Variants in GRIK5 observed in about 807,000 individuals in gnomAD.
GRIK5 encodes the protein glutamate ionotropic receptor kainate type subunit 5.
GRIK5 carries 43 observed loss-of-function variants against 97.4 expected under a neutral mutation model. The observed-to-expected ratio is 0.44, with a 90% CI of 0.35 to 0.57. The LOEUF (loss-of-function observed/expected upper bound fraction) is 0.57, where lower values mean the gene tolerates loss of function less well. Ranked by LOEUF, GRIK5 falls within the 20% of genes least tolerant of loss-of-function variation. The pLI, the probability that GRIK5 is intolerant of heterozygous loss-of-function variation, is 0.01. For missense variants in GRIK5, 1,015 were observed against 1,382.0 expected, an observed-to-expected ratio of 0.73 and a Z score of 4.21; for synonymous variants, 580 against 583.5, an observed-to-expected ratio of 0.99 and a Z score of 0.09.
intron 17 of GRIK5, among the ~76,000 whole-genome samples, chr19:42,004,145 C>T (rs2075458725): frequency 6.6e-6 from 1 of 152,186 alleles, no homozygotes. Context: ...AAAATGGCAC[C>T]AAGCGCCCCA....
rs1224040155 is a variant in GRIK5 at position 42,062,043 on chromosome 19, C to T, written c.508+445G>A. The stretch of plus-strand genomic sequence containing the variant: ...AGAACCTGTTCCCTCTTTCTTCCCA[C>T]ACCCTTCAGGTTCAGCTTGGATGTC... On this transcript the variant is annotated intron_variant, in intron 5 of 19. Coordinates refer to ENST00000593562, the MANE Select transcript of GRIK5 (RefSeq NM_002088.5). The surrounding 1 kb of genome is among the most constrained non-coding windows in gnomAD (Gnocchi z 5.3). 6.6e-6 allele frequency among the ~76,000 whole-genome samples: 1 copy of T among 152,252 alleles called. No homozygotes were observed. The highest frequency in any genetic ancestry group is 1.5e-5 in the Non-Finnish European group (1 of 68,042).
At chr19:42,068,322 C>G (rs1470944202) in intron 1 of GRIK5, among the ~76,000 whole-genome samples, 1 of 152,062 alleles carries the variant, frequency 6.6e-6, no homozygotes, top group African/African-American at 2.4e-5. Flanking sequence ...TGTGGGGGAG[C>G]AGGAGATCCT....
intron 12 of GRIK5, among the ~76,000 whole-genome samples, chr19:42,035,129 C>A (rs886558127): frequency 3.4e-4 from 52 of 152,184 alleles, no homozygotes; most frequent in African/African-American, 1.3e-3. Context: ...CAGGCATGCG[C>A]CACCACATCC....
At chr19:42,004,548 C>T (rs1555871907) in intron 17 of GRIK5, among the ~76,000 whole-genome samples, 1 of 152,166 alleles carries the variant, frequency 6.6e-6, no homozygotes. Context: ...AGGTATCCCA[C>T]CTGAGGCAAG....
chr19:42,007,894 A>G (rs2075512563), intron 15 of GRIK5, among the ~76,000 whole-genome samples: 2 of 152,218 alleles, frequency 1.3e-5, no homozygotes, highest in South Asian at 4.1e-4. Context: ...AGGCAATGCT[A>G]AAGCTGCACT....
intron 15 of GRIK5, among the ~76,000 whole-genome samples, chr19:42,010,341 A>G (rs1272645485): frequency 1.3e-5 from 2 of 152,196 alleles, no homozygotes; most frequent in Admixed American, 1.3e-4. Flanking sequence ...TAGGCTAAAC[A>G]CACATATTTA....
In GRIK5 at chr19:42,062,882, G is replaced by A; in HGVS notation, c.245-27C>T. ...TGCGTGGGAAGGGGAAGAGACCGCA[G>A]AGTCAGGGACCCCCTGCCTCCTCTC... On this transcript the variant is annotated intron_variant, in intron 3 of 19. Transcript: ENST00000593562. The surrounding 1 kb of genome is among the most constrained non-coding windows in gnomAD (Gnocchi z 5.3). 1 of 1,555,042 alleles carries A rather than the reference G, an allele frequency of 6.4e-7. No individual in the cohort carries two copies. The highest frequency in any genetic ancestry group is 8.9e-7 in the Non-Finnish European group (1 of 1,126,480).
intron 1 of GRIK5, chr19:42,068,863 G>A (rs992755024): frequency 1.8e-5 from 12 of 683,290 alleles, no homozygotes; most frequent in South Asian, 4.6e-5. Context: ...AAGGCCCACC[G>A]CAGGCAGAGG....
chr19:42,026,438 G>C (rs774130458), intron 12 of GRIK5, among the ~76,000 whole-genome samples: 14 of 150,922 alleles, frequency 9.3e-5, no homozygotes, highest in Non-Finnish European at 1.8e-4. Context: ...TTTTTTAGTA[G>C]AGATGGGGTT....
Position 42,042,763 on chromosome 19 carries a change from G to C in GRIK5, c.1270-8C>G. 6.2e-7 allele frequency: 1 copy of C among 1,609,210 alleles called. No homozygotes were observed. Among genetic ancestry groups the C allele is most frequent in the Non-Finnish European group, 8.5e-7 (1 of 1,176,938 alleles). On this transcript the variant is annotated splice_polypyrimidine_tract_variant and splice_region_variant and intron_variant, in intron 11 of 19. Coordinates refer to ENST00000593562, the MANE Select transcript of GRIK5 (RefSeq NM_002088.5). This position sits in a 1 kb window ranked among gnomAD's most constrained non-coding sequence, Gnocchi z 6.9. The stretch of plus-strand genomic sequence containing the variant: ...CATGACGTATGGGTTCTCCTGGGTG[G>C]GCAGAAGAAAGCAGGGGTCAGAGGC...
chr19:42,033,372 G>C (rs980991605), intron 12 of GRIK5, among the ~76,000 whole-genome samples: 1 of 151,480 alleles, frequency 6.6e-6, no homozygotes. Flanking sequence ...CCATGATGTG[G>C]ATGAACTTTG....
chr19:42,064,421 A>AC (rs1001676379), intron 3 of GRIK5, among the ~76,000 whole-genome samples: 4 of 151,474 alleles, frequency 2.6e-5, no homozygotes, highest in African/African-American at 4.8e-5. Flanking sequence ...TCAACCCCAT[A>AC]CCCCCCCATT....
At chr19:42,016,240 T>C (rs1054199184) in intron 15 of GRIK5, among the ~76,000 whole-genome samples, 2 of 152,122 alleles carry the variant, frequency 1.3e-5, no homozygotes, top group Non-Finnish European at 2.9e-5. Context: ...GCCAACATGA[T>C]GAAACCCCGT....
chr19:42,056,365 G>A (rs2076184497), intron 8 of GRIK5, among the ~76,000 whole-genome samples: 1 of 152,194 alleles, frequency 6.6e-6, no homozygotes, highest in Non-Finnish European at 1.5e-5. Context: ...TAGTGATGGG[G>A]AGCAAGCCAC....
In GRIK5 at chr19:42,042,670, C is replaced by T. The variant is rs1339500206; in HGVS notation, c.1355G>A (p.Arg452Gln). 9.3e-6 allele frequency: 15 copies of T among 1,613,430 alleles called. No individual in the cohort carries two copies. The highest frequency in any genetic ancestry group is 1.7e-5 in the Admixed American group (1 of 59,990). Reference protein sequence around the residue: ...RFEGFCVDMLRELAELLRFRY... With the variant: ...RFEGFCVDMLQELAELLRFRY... The stretch of plus-strand genomic sequence containing the variant: ...GAAGCGCAGCAGCTCGGCCAGCTCC[C>T]GCAGCATGTCCACGCAGAAGCCCTC... Residue 452 changes from arginine (R) to glutamine (Q), a missense_variant, in exon 12 of 20, where the codon CGG becomes CAG. Around this residue, in one of 5 missense-constraint regions of GRIK5, gnomAD observed 477 missense variants for 701.1 expected, o/e 0.68. Transcript: ENST00000593562. The surrounding 1 kb of genome is among the most constrained non-coding windows in gnomAD (Gnocchi z 6.9).
At chr19:42,013,395 CT>C (rs1448626594) in intron 15 of GRIK5, among the ~76,000 whole-genome samples, 1 of 140,478 alleles carries the variant, frequency 7.1e-6, no homozygotes, top group Non-Finnish European at 1.6e-5. Flanking sequence ...CTTTTTTTTT[CT>C]TTTTTTCTTT....
At chr19:42,067,426 G>A (rs2076350920) in intron 1 of GRIK5, among the ~76,000 whole-genome samples, 4 of 152,174 alleles carry the variant, frequency 2.6e-5, no homozygotes, top group African/African-American at 9.7e-5. Flanking sequence ...GGACAGGCTG[G>A]GGACTGCAAA....
rs2076320593 is a variant in GRIK5 at position 42,065,635 on chromosome 19, T to C, written c.79+57A>G. On this transcript the variant is annotated intron_variant, in intron 2 of 19. Coordinates refer to ENST00000593562, the MANE Select transcript of GRIK5 (RefSeq NM_002088.5). The surrounding 1 kb of genome is among the most constrained non-coding windows in gnomAD (Gnocchi z 5.8). ...ACCCTGACGGACTGGCATGCCTGGG[T>C]CCCCAGAGGAGCCCCAGGGCCTGAG... 7.4e-7 allele frequency: 1 copy of C among 1,358,568 alleles called. No individual in the cohort carries two copies. The highest frequency in any genetic ancestry group is 1.0e-6 in the Non-Finnish European group (1 of 991,948). 84.2% of individuals were successfully genotyped at this position (1,358,568 alleles called of 1,614,324 possible).
intron 12 of GRIK5, among the ~76,000 whole-genome samples, chr19:42,029,332 C>T (rs1156711500): frequency 6.6e-6 from 1 of 151,682 alleles, no homozygotes; most frequent in African/African-American, 2.4e-5. Context: ...TCCCACAGTG[C>T]TGGGATTACA....
Sources: gnomAD v4.1 joint callset for allele counts (sites outside exome capture counted in the v4.1 genomes callset) on GRCh38, gnomAD v4.1.1 for gene constraint, gnomAD v4.1.1 regional missense constraint, Gnocchi (gnomAD v3.1) non-coding constraint, MANE v1.5 for transcripts, NCBI Gene and HGNC (gene_info 2026-07-23, HGNC 2026-07-21) for gene names.